The following PDE8B variants were observed in gnomAD, a reference collection of about 807,000 sequenced individuals.
PDE8B encodes the protein phosphodiesterase 8B.
PDE8B carries 26 observed loss-of-function variants against 101.3 expected under a neutral mutation model. The observed-to-expected ratio is 0.26, with a 90% CI of 0.19 to 0.36. The LOEUF is 0.36. PDE8B is among the 10% of genes least tolerant of loss of function. The pLI is 1.00. For missense variants in PDE8B, 810 were observed against 1,163.1 expected (o/e 0.70, Z 4.42); for synonymous variants, 424 against 429.3 (o/e 0.99, Z 0.15).
the PDE8B span, among the ~76,000 whole-genome samples, chr5:77,183,505 C>T: frequency 4.9e-4 from 75 of 152,214 alleles, 1 homozygote; most frequent in East Asian, 0.01. Context: ...GCTGAACCAG[C>T]CAGCTGGGTG....
chr5:77,220,221 T>C (rs112727739), intron 1 of PDE8B, among the ~76,000 whole-genome samples: 17 of 152,312 alleles, frequency 1.1e-4, no homozygotes, highest in African/African-American at 3.8e-4. Flanking sequence ...CAGGCTGTTC[T>C]CTGCAGTGAT....
At chr5:77,134,594 G>A in the PDE8B span, 1 of 152,232 alleles carries the variant, frequency 6.6e-6, no homozygotes, top group South Asian at 2.1e-4. Context: ...AGGTGAGGCT[G>A]CCTGTACACA....
Position 77,213,612 on chromosome 5 carries a change from G to A in PDE8B, c.339+2348G>A, listed in dbSNP as rs1200073257. Among the ~76,000 whole-genome samples, 9 of 152,242 alleles carry A rather than the reference G, an allele frequency of 5.9e-5. 1 individual carries two copies. The South Asian group carries it at 1.9e-3, about 32-fold the overall frequency. ...AGAGTTTGAGATAGTTGCTAGGCACGTGGTGGTGCCCCACCCCTTTCCAAA... is the reference window on the plus strand; with the variant it reads ...AGAGTTTGAGATAGTTGCTAGGCACATGGTGGTGCCCCACCCCTTTCCAAA... On this transcript the variant is annotated intron_variant, in intron 1 of 21. Transcript: ENST00000264917.
chr5:77,383,430 T>A (rs1787913886), intron 10 of PDE8B, among the ~76,000 whole-genome samples: 1 of 152,236 alleles, frequency 6.6e-6, no homozygotes, highest in Non-Finnish European at 1.5e-5. Context: ...AGAAGCTCTT[T>A]AATTAGATCC....
At chr5:77,267,177 C>G (rs1157511372) in intron 1 of PDE8B, among the ~76,000 whole-genome samples, 3 of 152,096 alleles carry the variant, frequency 2.0e-5, no homozygotes, top group Non-Finnish European at 4.4e-5. Flanking sequence ...TGGTGGCTCA[C>G]GCCTGTAATC....
At position 77,217,910 on chromosome 5, in the gene PDE8B, C is replaced by CA. The variant is rs1554057902; in HGVS notation, c.339+6646_339+6647insA. Among the ~76,000 whole-genome samples the CA allele has an allele frequency of 4.6e-5, 7 of 152,252 alleles. No homozygotes were observed. In the East Asian group the frequency reaches 1.3e-3, roughly 29 times the overall value. On this transcript the variant is annotated intron_variant, in intron 1 of 21. Transcript: ENST00000264917. ...TTGTTCATGGCTCCTTCCCTAGTCT[C>CA]TTTTTTTCTTCCATCAGCAGATAAT...
At chr5:77,376,966 A>ATG (rs1786258383) in intron 10 of PDE8B, among the ~76,000 whole-genome samples, 1 of 152,210 alleles carries the variant, frequency 6.6e-6, no homozygotes, top group Non-Finnish European at 1.5e-5. Context: ...GGGTTTACAC[A>ATG]GAAAAGTGCC....
intron 10 of PDE8B, among the ~76,000 whole-genome samples, chr5:77,361,557 C>T (rs1433885089): frequency 2.6e-5 from 4 of 150,962 alleles, no homozygotes; most frequent in African/African-American, 9.7e-5. Flanking sequence ...CTCTATTGCC[C>T]AGGCTAGAGT....
chr5:77,150,233 AC>A, the PDE8B span, among the ~76,000 whole-genome samples: 2 of 151,966 alleles, frequency 1.3e-5, no homozygotes, highest in Non-Finnish European at 2.9e-5. Context: ...TCAAGGTAAT[AC>A]TCCTTAGTTG....
chr5:77,260,170 A>G (rs1760208984), intron 1 of PDE8B, among the ~76,000 whole-genome samples: 1 of 148,796 alleles, frequency 6.7e-6, no homozygotes, highest in African/African-American at 2.5e-5. Context: ...AAAAAAAAAA[A>G]AAAGAAAAAA....
At chr5:77,294,152 A>G (rs1468682179) in intron 1 of PDE8B, among the ~76,000 whole-genome samples, 1 of 152,228 alleles carries the variant, frequency 6.6e-6, no homozygotes, top group Non-Finnish European at 1.5e-5. Flanking sequence ...AATAATGTAA[A>G]TTGACAGAGC....
Position 77,373,546 on chromosome 5 carries a change from A to G in PDE8B, c.1167+20140A>G, listed in dbSNP as rs530992349. Reference sequence around the variant, plus strand: ...TTTCCAAGCAATCACTGATTACTATAGAATAATTTCCATTTTCTCGGGTTT... The same window carrying G: ...TTTCCAAGCAATCACTGATTACTATGGAATAATTTCCATTTTCTCGGGTTT... On this transcript the variant is annotated intron_variant, in intron 10 of 21. Coordinates refer to ENST00000264917, the MANE Select transcript of PDE8B (RefSeq NM_003719.5). 2.6e-5 allele frequency among the ~76,000 whole-genome samples: 4 copies of G among 152,232 alleles called. No individual in the cohort carries two copies. The East Asian group carries it at 7.7e-4, about 29-fold the overall frequency.
At chr5:77,359,968 G>A (rs1291677635) in intron 10 of PDE8B, among the ~76,000 whole-genome samples, 1 of 151,836 alleles carries the variant, frequency 6.6e-6, no homozygotes, top group Non-Finnish European at 1.5e-5. Context: ...TGGTGCACCT[G>A]TAATCCCAGC....
At chr5:77,365,570 T>C (rs1001789141) in intron 10 of PDE8B, among the ~76,000 whole-genome samples, 4 of 152,190 alleles carry the variant, frequency 2.6e-5, no homozygotes, top group Non-Finnish European at 4.4e-5. Flanking sequence ...ACAGAAAATA[T>C]CTATTGAATA....
At chr5:77,290,404 A>G in intron 1 of PDE8B, 1 of 1,398,906 alleles carries the variant, frequency 7.1e-7, no homozygotes, top group Non-Finnish European at 1.0e-6. Flanking sequence ...TCTGCTAACA[A>G]CTAGCCAATA....
the PDE8B span, among the ~76,000 whole-genome samples, chr5:77,117,827 A>AT: frequency 4.3e-3 from 651 of 152,022 alleles, 7 homozygotes; most frequent in African/African-American, 0.015. Flanking sequence ...TTATACATTC[A>AT]TTTTTTTTCA....
intron 1 of PDE8B, among the ~76,000 whole-genome samples, chr5:77,225,189 G>C (rs72765190): frequency 0.021 from 3,185 of 152,242 alleles, 33 homozygotes; most frequent in Non-Finnish European, 0.023. Context: ...TTATCCTGAG[G>C]TACAGTTCAT....
chr5:77,378,034 ACACACACACACAC>A (rs1192112983), intron 10 of PDE8B, among the ~76,000 whole-genome samples: 1 of 134,718 alleles, frequency 7.4e-6, no homozygotes, highest in Non-Finnish European at 1.7e-5. Flanking sequence ...ACACACACAC[ACACACACACACAC>A]ACCCCCTGTT....
intron 10 of PDE8B, 84 bp downstream of exon 10, chr5:77,353,490 G>A: frequency 1.2e-6 from 1 of 846,666 alleles, no homozygotes; most frequent in Non-Finnish European, 2.1e-6. Flanking sequence ...ACTGTTCTCT[G>A]CTTGTCTTTC....
Sources: allele counts gnomAD v4.1 joint callset (sites outside exome capture counted in the v4.1 genomes callset), GRCh38; gene constraint gnomAD v4.1.1; transcripts MANE v1.5; gene names NCBI Gene and HGNC (gene_info 2026-07-23, HGNC 2026-07-21).